Variants in EFCAB6 observed in about 807,000 individuals in gnomAD.
The protein encoded by EFCAB6 is EF-hand calcium-binding domain-containing protein 6.
Under a neutral mutation model 169.8 loss-of-function variants are expected in EFCAB6, and 156 were observed. The observed-to-expected ratio is 0.92, with a 90% CI of 0.81 to 1.05. The LOEUF is 1.05. EFCAB6 is among the 50% of genes least tolerant of loss of function. EFCAB6 has a pLI of 0.00. For synonymous variants in EFCAB6, 698 were observed against 676.4 expected, an observed-to-expected ratio of 1.03 and a Z score of -0.50; for missense variants, 1,800 against 1,829.1, an observed-to-expected ratio of 0.98 and a Z score of 0.29.
chr22:43,733,433 G>A (rs1380788771), intron 7 of EFCAB6, among the ~76,000 whole-genome samples: 1 of 152,186 alleles, frequency 6.6e-6, no homozygotes, highest in Non-Finnish European at 1.5e-5. Context: ...AGGCTGGAGG[G>A]AGATGGGAAA....
chr22:43,606,717 AC>A (rs1342174329), intron 22 of EFCAB6, among the ~76,000 whole-genome samples: 2 of 152,348 alleles, frequency 1.3e-5, no homozygotes, highest in East Asian at 3.9e-4. Context: ...AGTGGACAAA[AC>A]TCTGACTGCA....
At chr22:43,656,723 G>C (rs1218693444) in intron 17 of EFCAB6, among the ~76,000 whole-genome samples, 1 of 151,776 alleles carries the variant, frequency 6.6e-6, no homozygotes, top group Non-Finnish European at 1.5e-5. Flanking sequence ...ACCTAGGTTT[G>C]TTGTAAGGTT....
At chr22:43,685,346 CG>C (rs1407387697) in intron 11 of EFCAB6, among the ~76,000 whole-genome samples, 3 of 151,716 alleles carry the variant, frequency 2.0e-5, no homozygotes, top group African/African-American at 4.8e-5. Flanking sequence ...AGGAAGGGTG[CG>C]GGGGGAAGAT....
intron 20 of EFCAB6, among the ~76,000 whole-genome samples, chr22:43,618,869 T>A (rs1465986772): frequency 2.0e-5 from 3 of 151,714 alleles, no homozygotes; most frequent in Non-Finnish European, 4.4e-5. Context: ...GGCCCTGTGA[T>A]TCAAGGAATA....
intron 13 of EFCAB6, among the ~76,000 whole-genome samples, chr22:43,672,554 G>A (rs1201469660): frequency 6.6e-6 from 1 of 152,142 alleles, no homozygotes; most frequent in African/African-American, 2.4e-5. Context: ...GACGGAGCTG[G>A]AGGCCATTAT....
chr22:43,615,502 G>A (rs568374901), intron 21 of EFCAB6, among the ~76,000 whole-genome samples: 2 of 152,312 alleles, frequency 1.3e-5, no homozygotes, highest in African/African-American at 2.4e-5. Flanking sequence ...AAGTATTGCA[G>A]TTTTTCCGTT....
chr22:43,691,106 G>A (rs1055693065), intron 10 of EFCAB6, among the ~76,000 whole-genome samples: 3 of 152,028 alleles, frequency 2.0e-5, no homozygotes, highest in African/African-American at 4.8e-5. Context: ...AAAGAGAGAC[G>A]GAGACTGATT....
chr22:43,607,356 TAC>T (rs1223946242), intron 22 of EFCAB6, among the ~76,000 whole-genome samples: 1 of 152,214 alleles, frequency 6.6e-6, no homozygotes, highest in Non-Finnish European at 1.5e-5. Context: ...GTTGTTGCTG[TAC>T]CATAGCTACC....
chr22:43,558,857 T>C (rs1272673374), intron 26 of EFCAB6, among the ~76,000 whole-genome samples: 4 of 152,250 alleles, frequency 2.6e-5, no homozygotes, highest in Admixed American at 2.6e-4. Flanking sequence ...AAAAAATTCA[T>C]TGACTCATTT....
chr22:43,710,460 T>C (rs537153439), intron 10 of EFCAB6, among the ~76,000 whole-genome samples: 1 of 152,238 alleles, frequency 6.6e-6, no homozygotes, highest in East Asian at 1.9e-4. Context: ...ATTAAGAAAA[T>C]AACACTGATT....
chr22:43,646,595 C>G (rs982847195), intron 17 of EFCAB6, among the ~76,000 whole-genome samples: 2 of 152,080 alleles, frequency 1.3e-5, no homozygotes, highest in African/African-American at 4.8e-5. Flanking sequence ...AGGTAATAGT[C>G]TAATTCAGTA....
intron 3 of EFCAB6, among the ~76,000 whole-genome samples, chr22:43,773,485 T>A (rs1245816373): frequency 6.6e-6 from 1 of 152,232 alleles, no homozygotes; most frequent in African/African-American, 2.4e-5. Flanking sequence ...GAAAAACATG[T>A]AATTCTTAAA....
At chr22:43,701,652 A>T (rs1035344215) in intron 10 of EFCAB6, among the ~76,000 whole-genome samples, 8 of 151,860 alleles carry the variant, frequency 5.3e-5, no homozygotes, top group African/African-American at 1.9e-4. Context: ...GGGAAAATAG[A>T]TTATCTATTT....
intron 4 of EFCAB6, among the ~76,000 whole-genome samples, chr22:43,772,038 A>G (rs540860722): frequency 6.6e-5 from 10 of 152,104 alleles, no homozygotes; most frequent in Non-Finnish European, 1.2e-4. Context: ...ACTAAGTTAA[A>G]TGCCCCTCGT....
intron 25 of EFCAB6, among the ~76,000 whole-genome samples, chr22:43,577,326 A>T (rs560875983): frequency 1.3e-5 from 2 of 152,202 alleles, no homozygotes; most frequent in Admixed American, 1.3e-4. Context: ...CAAACCCCAC[A>T]CCCTTGTAGT....
chr22:43,645,268 T>C (rs1294112078), intron 17 of EFCAB6, among the ~76,000 whole-genome samples: 1 of 152,256 alleles, frequency 6.6e-6, no homozygotes, highest in Non-Finnish European at 1.5e-5. Context: ...AGAAGTAGCA[T>C]GTTGCTGCCA....
chr22:43,667,283 A>G lies in EFCAB6; in HGVS notation c.1815-11T>C, dbSNP rs2057306742. On this transcript the variant is annotated splice_polypyrimidine_tract_variant and intron_variant, in intron 16 of 31. Coordinates refer to ENST00000262726, the MANE Select transcript of EFCAB6 (RefSeq NM_022785.4). ...TCCGTGAGCTTGGTTCTAAAATCAC[A>G]AGCAGGCATTTAGACCCAGTGTCAA... 7 of 1,612,636 alleles carry G rather than the reference A, an allele frequency of 4.3e-6. No homozygotes were observed. The highest frequency in any genetic ancestry group is 4.2e-6 in the Non-Finnish European group (5 of 1,179,184).
At chr22:43,798,269 A>C (rs925823702) in intron 2 of EFCAB6, among the ~76,000 whole-genome samples, 15 of 151,794 alleles carry the variant, frequency 9.9e-5, no homozygotes, top group African/African-American at 3.6e-4. Flanking sequence ...CCATAATCCC[A>C]GTTACTTGGG....
intron 19 of EFCAB6, among the ~76,000 whole-genome samples, chr22:43,631,685 G>C (rs185026872): frequency 4.5e-4 from 68 of 152,198 alleles, no homozygotes; most frequent in Middle Eastern, 3.4e-3. Flanking sequence ...GAGCTCCCTG[G>C]GGTGGGGCTG....
Sources: allele counts gnomAD v4.1 joint callset (sites outside exome capture counted in the v4.1 genomes callset), GRCh38; gene constraint gnomAD v4.1.1; transcripts MANE v1.5; gene names NCBI Gene and HGNC (gene_info 2026-07-23, HGNC 2026-07-21).